The following ANO6 variants were observed in gnomAD, a reference collection of about 807,000 sequenced individuals.
The protein encoded by ANO6 is anoctamin-6.
Under a neutral mutation model 117.5 loss-of-function variants are expected in ANO6, and 106 were observed. The ratio of observed to expected loss-of-function variants is 0.90; its 90% CI spans 0.77 to 1.06. The LOEUF is 1.06. Among genes scored for constraint, ANO6 ranks in the 50% least tolerant of loss-of-function variants. The pLI, the probability that ANO6 is intolerant of heterozygous loss-of-function variation, is 0.00. For synonymous variants in ANO6, 367 were observed against 385.1 expected (o/e 0.95, Z 0.55); for missense variants, 955 against 1,121.1 (o/e 0.85, Z 2.12).
intron 1 of ANO6, among the ~76,000 whole-genome samples, chr12:45,289,669 G>A (rs1047104497): frequency 6.6e-6 from 1 of 152,168 alleles, no homozygotes; most frequent in East Asian, 1.9e-4. Context: ...TTCTGAGTTA[G>A]AGTTTATTTG....
chr12:45,428,582 A>G (rs1387372003), intron 19 of ANO6, among the ~76,000 whole-genome samples: 1 of 152,228 alleles, frequency 6.6e-6, no homozygotes, highest in Admixed American at 6.5e-5. Flanking sequence ...ACCTGATCCA[A>G]AAGAAAGACA....
chr12:45,232,394 A>G (rs1947586049), intron 1 of ANO6, among the ~76,000 whole-genome samples: 1 of 152,224 alleles, frequency 6.6e-6, no homozygotes, highest in African/African-American at 2.4e-5. Flanking sequence ...ATAACAGCAG[A>G]TTATATTTAA....
Position 45,378,064 on chromosome 12 carries a change from C to G in ANO6, c.1116C>G (p.Ile372Met). The G allele has an allele frequency of 6.2e-7, 1 of 1,610,958 alleles. No individual in the cohort carries two copies. Among genetic ancestry groups the G allele is most frequent in the South Asian group, 1.1e-5 (1 of 90,946 alleles). The change falls in exon 10 of 20, where the codon ATC (isoleucine) becomes ATG (methionine). Residue 372 changes from isoleucine (I) to methionine (M), a missense_variant. Coordinates refer to ENST00000320560, the MANE Select transcript of ANO6 (RefSeq NM_001025356.3). ...TTTATATTTTCCAGAAATTGTGCATCTTCGACAGTTTTGGAACCCTGGTCT... is the reference window on the plus strand; with the variant it reads ...TTTATATTTTCCAGAAATTGTGCATGTTCGACAGTTTTGGAACCCTGGTCT... ...ITCESSKKLC[I>M]FDSFGTLVFA... is the part of the protein sequence containing the mutation.
At chr12:45,337,166 T>C (rs1158765043) in intron 3 of ANO6, among the ~76,000 whole-genome samples, 1 of 152,104 alleles carries the variant, frequency 6.6e-6, no homozygotes, top group African/African-American at 2.4e-5. Flanking sequence ...CATAATGTCT[T>C]AAGCCTTCAG....
intron 2 of ANO6, among the ~76,000 whole-genome samples, chr12:45,327,659 G>C (rs1425036508): frequency 6.6e-6 from 1 of 152,046 alleles, no homozygotes; most frequent in East Asian, 1.9e-4. Context: ...TATCATTTTG[G>C]TTAGTGTGTT....
At chr12:45,393,313 C>T (rs911263738) in intron 12 of ANO6, among the ~76,000 whole-genome samples, 10 of 152,188 alleles carry the variant, frequency 6.6e-5, no homozygotes, top group South Asian at 6.2e-4. Context: ...TAAAAAGCAA[C>T]GAACAAAGCC....
At chr12:45,318,630 C>G (rs1209256124) in intron 2 of ANO6, among the ~76,000 whole-genome samples, 2 of 152,004 alleles carry the variant, frequency 1.3e-5, no homozygotes, top group East Asian at 1.9e-4. Flanking sequence ...TCCATATGAA[C>G]TTTAAAGTAG....
chr12:45,301,862 T>C (rs1288346539), intron 1 of ANO6, 152 bp from the exon 2 acceptor site: 1 of 680,160 alleles, frequency 1.5e-6, no homozygotes, highest in African/African-American at 1.8e-5. Context: ...ACATATTTTT[T>C]AATATATCTG....
At chr12:45,260,545 A>C (rs1304833626) in intron 1 of ANO6, among the ~76,000 whole-genome samples, 1 of 152,094 alleles carries the variant, frequency 6.6e-6, no homozygotes, top group Non-Finnish European at 1.5e-5. Flanking sequence ...CACCCTCATC[A>C]GTCAGAATCA....
At chr12:45,341,544 G>A (rs2137429499) in intron 3 of ANO6, among the ~76,000 whole-genome samples, 1 of 152,224 alleles carries the variant, frequency 6.6e-6, no homozygotes, top group East Asian at 1.9e-4. Flanking sequence ...TAATAGACAT[G>A]AGGCAAAAGA....
Position 45,259,925 on chromosome 12 carries a change from C to T in ANO6, c.71-42089C>T, listed in dbSNP as rs1452813100. 2.6e-5 allele frequency among the ~76,000 whole-genome samples: 4 copies of T among 152,232 alleles called. 1 individual carries two copies. The highest frequency in any genetic ancestry group is 5.9e-5 in the Non-Finnish European group (4 of 68,034). ...CTCCCACAGGCACTGTAGGTCAGCT[C>T]ATTCATTCCTCCATGGCGAGTAAAG... On this transcript the variant is annotated intron_variant, in intron 1 of 19. Transcript: ENST00000320560.
intron 17 of ANO6, among the ~76,000 whole-genome samples, chr12:45,420,623 G>T (rs1453219549): frequency 1.3e-5 from 2 of 151,934 alleles, no homozygotes; most frequent in Admixed American, 6.6e-5. Flanking sequence ...CATATATTTT[G>T]CAGTTAAGAA....
intron 1 of ANO6, among the ~76,000 whole-genome samples, chr12:45,295,925 G>A (rs1195095015): frequency 6.6e-6 from 1 of 151,630 alleles, no homozygotes; most frequent in African/African-American, 2.4e-5. Context: ...GCAGTGGTGC[G>A]GTCTCAGCTC....
rs1943651344 is a variant in ANO6, at chr12:45,432,263, CTTTTA to C, written c.*2954_*2958del. On this transcript the variant is annotated 3_prime_UTR_variant, in exon 20 of 20. Transcript: ENST00000320560. The stretch of plus-strand genomic sequence containing the variant: ...GTTAATTTCTGTGCATTTTAATATT[CTTTTA>C]TAATTATTAATGTTAATTTCTGTGC... The C allele has an allele frequency of 1.5e-5, 14 of 948,392 alleles. No homozygotes were observed. The highest frequency in any genetic ancestry group is 1.8e-5 in the Non-Finnish European group (14 of 797,360). The allele number at this position is 948,392 out of a possible 1,614,324, so 58.7% of individuals were successfully genotyped here.
At chr12:45,420,979 C>A in intron 17 of ANO6, 92 bp from the exon 18 acceptor site, 1 of 1,368,488 alleles carries the variant, frequency 7.3e-7, no homozygotes, top group African/African-American at 1.4e-5. Context: ...GAGCCGAGAT[C>A]GTGCCATGCA....
chr12:45,419,246 C>G (rs1365617129), intron 17 of ANO6, among the ~76,000 whole-genome samples: 6 of 152,182 alleles, frequency 3.9e-5, no homozygotes, highest in African/African-American at 1.4e-4. Context: ...TGTGCTCTTG[C>G]AGCATGTCTC....
At chr12:45,391,052 C>T (rs906738681) in intron 12 of ANO6, among the ~76,000 whole-genome samples, 4 of 151,772 alleles carry the variant, frequency 2.6e-5, no homozygotes, top group Non-Finnish European at 4.4e-5. Flanking sequence ...ACCCAGGAGA[C>T]GGAGGTTGCA....
At chr12:45,224,651 G>T (rs938490850) in intron 1 of ANO6, among the ~76,000 whole-genome samples, 10 of 152,132 alleles carry the variant, frequency 6.6e-5, no homozygotes, top group Admixed American at 1.3e-4. Context: ...ACTTTATTTG[G>T]TTCTGAGACA....
chr12:45,357,408 G>A lies in ANO6; in HGVS notation c.982G>A (p.Asp328Asn). The A allele has an allele frequency of 6.2e-7, 1 of 1,613,652 alleles. No homozygotes were observed. Among genetic ancestry groups the A allele is most frequent in the Non-Finnish European group, 8.5e-7 (1 of 1,179,982 alleles). ...ACFLYGYLNQ[D>N]NCTWSKEVCH... Reference sequence around the variant, plus strand: ...CTTTCTCTATGGATATCTTAATCAAGATAACTGTACATGGAGGTAACCTCT... The same window carrying A: ...CTTTCTCTATGGATATCTTAATCAAAATAACTGTACATGGAGGTAACCTCT... The change falls in exon 8 of 20, where the codon GAT (aspartate) becomes AAT (asparagine). Residue 328 changes from aspartate to asparagine, a missense_variant. Coordinates refer to ENST00000320560, the MANE Select transcript of ANO6 (RefSeq NM_001025356.3).
Sources: allele counts gnomAD v4.1 joint callset (sites outside exome capture counted in the v4.1 genomes callset), GRCh38; gene constraint gnomAD v4.1.1; transcripts MANE v1.5; gene names NCBI Gene and HGNC (gene_info 2026-07-23, HGNC 2026-07-21).